RBMS3: variants seen among roughly 807,000 people sequenced by gnomAD.
The protein encoded by RBMS3 is RNA-binding motif, single-stranded-interacting protein 3.
RBMS3 carries 27 observed loss-of-function variants against 66.8 expected under a neutral mutation model. The observed-to-expected ratio is 0.40, with a 90% CI of 0.30 to 0.56. RBMS3 has a LOEUF of 0.56. RBMS3 is among the 20% of genes least tolerant of loss of function. The pLI is 0.40. For missense variants in RBMS3, 513 were observed against 549.5 expected, an observed-to-expected ratio of 0.93 and a Z score of 0.66; for synonymous variants, 188 against 183.0, an observed-to-expected ratio of 1.03 and a Z score of -0.22.
At chr3:29,411,195 T>C (rs1018074817) in intron 1 of RBMS3, among the ~76,000 whole-genome samples, 15 of 152,120 alleles carry the variant, frequency 9.9e-5, no homozygotes, top group African/African-American at 3.6e-4. Context: ...TAATCTGGCC[T>C]AGCAGAAAGA....
At chr3:29,858,904 A>G (rs2059144764) in intron 6 of RBMS3, among the ~76,000 whole-genome samples, 1 of 152,142 alleles carries the variant, frequency 6.6e-6, no homozygotes, top group African/African-American at 2.4e-5. Flanking sequence ...GATTTCCTCT[A>G]TGTTGTTTCT....
chr3:29,405,217 C>T (rs1219234491), intron 1 of RBMS3, among the ~76,000 whole-genome samples: 2 of 152,126 alleles, frequency 1.3e-5, no homozygotes, highest in Non-Finnish European at 2.9e-5. Flanking sequence ...CTTTTATGTT[C>T]TCTCTGAGAA....
intron 3 of RBMS3, among the ~76,000 whole-genome samples, chr3:29,585,970 A>G (rs2047506780): frequency 1.3e-5 from 2 of 152,106 alleles, no homozygotes; most frequent in Non-Finnish European, 1.5e-5. Context: ...AAAAGAAACA[A>G]CTTCGTAATT....
At chr3:29,403,445 AG>A (rs1326091110) in intron 1 of RBMS3, among the ~76,000 whole-genome samples, 1 of 152,080 alleles carries the variant, frequency 6.6e-6, no homozygotes, top group Non-Finnish European at 1.5e-5. Context: ...GAAGAGTTAG[AG>A]CCACTTGCAT....
chr3:29,328,260 T>C (rs2035454817), intron 1 of RBMS3, among the ~76,000 whole-genome samples: 2 of 152,188 alleles, frequency 1.3e-5, no homozygotes, highest in South Asian at 4.1e-4. Context: ...CAAGAATATA[T>C]AATGGTGAGC....
intron 1 of RBMS3, among the ~76,000 whole-genome samples, chr3:29,402,919 A>G (rs2039873344): frequency 6.6e-6 from 1 of 152,034 alleles, no homozygotes; most frequent in South Asian, 2.1e-4. Context: ...GTAGGAGACA[A>G]AAAGCACAAT....
intron 4 of RBMS3, among the ~76,000 whole-genome samples, chr3:29,728,979 A>C (rs2054004657): frequency 6.6e-6 from 1 of 151,590 alleles, no homozygotes. Context: ...TTATGTGTTA[A>C]ATATATATAT....
intron 10 of RBMS3, among the ~76,000 whole-genome samples, chr3:29,925,868 A>C (rs1181014768): frequency 6.6e-6 from 1 of 152,226 alleles, no homozygotes; most frequent in East Asian, 1.9e-4. Context: ...AACTAAAAAA[A>C]ATGTTAAAAT....
intron 4 of RBMS3, among the ~76,000 whole-genome samples, chr3:29,673,601 T>C (rs2051102113): frequency 6.6e-6 from 1 of 151,874 alleles, no homozygotes; most frequent in African/African-American, 2.4e-5. Flanking sequence ...AAATACAAAC[T>C]ACCATCAGAG....
chr3:29,730,177 G>T (rs1220983647), intron 4 of RBMS3, among the ~76,000 whole-genome samples: 1 of 151,872 alleles, frequency 6.6e-6, no homozygotes, highest in East Asian at 1.9e-4. Flanking sequence ...AGTATTTGTT[G>T]TTTATCAAAA....
At chr3:29,440,220 A>G (rs1295486411) in intron 2 of RBMS3, among the ~76,000 whole-genome samples, 2 of 152,208 alleles carry the variant, frequency 1.3e-5, no homozygotes, top group African/African-American at 2.4e-5. Flanking sequence ...TATTGTATTT[A>G]TATTTTCCAC....
At chr3:29,560,158 T>C (rs1490621538) in intron 3 of RBMS3, among the ~76,000 whole-genome samples, 2 of 152,178 alleles carry the variant, frequency 1.3e-5, no homozygotes, top group Non-Finnish European at 2.9e-5. Context: ...TACAGAAACA[T>C]ACAAATACCA....
At chr3:29,817,878 T>G (rs1490880421) in intron 6 of RBMS3, among the ~76,000 whole-genome samples, 2 of 152,108 alleles carry the variant, frequency 1.3e-5, no homozygotes, top group Non-Finnish European at 2.9e-5. Context: ...CTTCTACAGT[T>G]AATCTATTAT....
Position 29,534,915 on chromosome 3 carries a change from G to C in RBMS3, c.307+46416G>C, listed in dbSNP as rs147890292. On this transcript the variant is annotated intron_variant, in intron 3 of 14. Transcript: ENST00000383767. ...GATTATTGATTAAATGGAGTAATTT[G>C]AAGAAAATAAAGCCCAACACAAATT... Among the ~76,000 whole-genome samples, 557 of 151,148 alleles carry C rather than the reference G, an allele frequency of 3.7e-3. 4 individuals are homozygous for C. Among genetic ancestry groups the C allele is most frequent in the African/African-American group, 0.013 (520 of 41,216 alleles).
chr3:29,493,710 G>A (rs1262038038), intron 3 of RBMS3, among the ~76,000 whole-genome samples: 1 of 152,004 alleles, frequency 6.6e-6, no homozygotes, highest in African/African-American at 2.4e-5. Context: ...TCTTTCTATG[G>A]AACCTGAGTA....
chr3:29,929,528 C>A (rs1246196882), intron 10 of RBMS3, among the ~76,000 whole-genome samples: 1 of 151,960 alleles, frequency 6.6e-6, no homozygotes, highest in Non-Finnish European at 1.5e-5. Flanking sequence ...AATTAGGATT[C>A]TTTTAAAGGG....
intron 4 of RBMS3, among the ~76,000 whole-genome samples, chr3:29,675,620 T>A (rs1201751047): frequency 2.6e-5 from 4 of 152,096 alleles, no homozygotes; most frequent in African/African-American, 4.8e-5. Context: ...GGGTGAAGGA[T>A]ATGAATAGAC....
At chr3:29,644,631 T>C (rs771079008) in intron 4 of RBMS3, among the ~76,000 whole-genome samples, 2 of 152,180 alleles carry the variant, frequency 1.3e-5, no homozygotes, top group Non-Finnish European at 2.9e-5. Context: ...TCAGTAAAAC[T>C]ACAAACAAAC....
At chr3:29,905,176 C>T (rs1462165188) in intron 10 of RBMS3, among the ~76,000 whole-genome samples, 1 of 151,998 alleles carries the variant, frequency 6.6e-6, no homozygotes, top group African/African-American at 2.4e-5. Context: ...ATAGACAATA[C>T]ATAATGAATG....
Sources: allele counts gnomAD v4.1 joint callset (sites outside exome capture counted in the v4.1 genomes callset), GRCh38; gene constraint gnomAD v4.1.1; transcripts MANE v1.5; gene names NCBI Gene and HGNC (gene_info 2026-07-23, HGNC 2026-07-21).